ROBO1: variants seen among roughly 807,000 people sequenced by gnomAD.
ROBO1 encodes roundabout guidance receptor 1.
A neutral mutation model predicts 195.9 loss-of-function variants in ROBO1; 149 were observed. The observed-to-expected ratio is 0.76, with a 90% CI of 0.67 to 0.87. The LOEUF (loss-of-function observed/expected upper bound fraction) is 0.87. Among genes scored for constraint, ROBO1 ranks in the 40% least tolerant of loss-of-function variants. The pLI is 0.00. For missense variants in ROBO1, 1,933 were observed against 2,068.3 expected (o/e 0.93, Z 1.27); for synonymous variants, 816 against 733.2 (o/e 1.11, Z -1.82).
intron 2 of ROBO1, among the ~76,000 whole-genome samples, chr3:79,583,046 C>A (rs1314087003): frequency 6.6e-6 from 1 of 151,974 alleles, no homozygotes; most frequent in Non-Finnish European, 1.5e-5. Flanking sequence ...GGTTCTAGTG[C>A]ACATTTGGCA....
At chr3:78,897,220 T>A (rs1189350705) in intron 4 of ROBO1, among the ~76,000 whole-genome samples, 3 of 152,178 alleles carry the variant, frequency 2.0e-5, no homozygotes, top group African/African-American at 7.2e-5. Flanking sequence ...CTTTTCAGAA[T>A]TTCAAAGCTC....
At chr3:79,021,651 ATTTTTTTTT>A (rs71127372) in intron 3 of ROBO1, among the ~76,000 whole-genome samples, 1 of 76,888 alleles carries the variant, frequency 1.3e-5, no homozygotes, top group South Asian at 5.2e-4. Context: ...CCTAGAGATG[ATTTTTTTTT>A]TTTTTTTTTT....
intron 1 of ROBO1, among the ~76,000 whole-genome samples, chr3:79,624,430 G>A (rs959520341): frequency 2.7e-4 from 41 of 151,792 alleles, no homozygotes; most frequent in African/African-American, 9.4e-4. Context: ...AAGACCCATC[G>A]GTATGCTGTA....
chr3:78,872,333 G>A (rs2107158033), intron 4 of ROBO1, among the ~76,000 whole-genome samples: 1 of 152,292 alleles, frequency 6.6e-6, no homozygotes, highest in South Asian at 2.1e-4. Context: ...GCTTTGATAG[G>A]GAAGTGACTC....
chr3:79,676,603 A>G (rs73124772), intron 1 of ROBO1, among the ~76,000 whole-genome samples: 466 of 151,994 alleles, frequency 3.1e-3, no homozygotes, highest in Non-Finnish European at 5.4e-3. Flanking sequence ...AACTGCAGTC[A>G]CCTCCCTGTG....
At chr3:79,549,155 A>G (rs114732710) in intron 2 of ROBO1, among the ~76,000 whole-genome samples, 1 of 152,326 alleles carries the variant, frequency 6.6e-6, no homozygotes, top group Non-Finnish European at 1.5e-5. Flanking sequence ...AATTTTTAGC[A>G]GATTAATTTT....
intron 1 of ROBO1, among the ~76,000 whole-genome samples, chr3:79,680,262 T>G (rs1225875649): frequency 6.6e-6 from 1 of 152,040 alleles, no homozygotes; most frequent in East Asian, 1.9e-4. Flanking sequence ...CCAACTCTAA[T>G]GGAGCACGCA....
chr3:79,018,814 C>T (rs1315615682), intron 3 of ROBO1: 7 of 1,044,524 alleles, frequency 6.7e-6, no homozygotes, highest in Non-Finnish European at 8.1e-6. Flanking sequence ...GGCGTGCGCC[C>T]CCACAATGTG....
intron 3 of ROBO1, among the ~76,000 whole-genome samples, chr3:79,021,726 T>C (rs868468224): frequency 6.8e-6 from 1 of 147,906 alleles, no homozygotes; most frequent in Middle Eastern, 3.5e-3. Flanking sequence ...AGTGGCGCGA[T>C]CTCGGCTCAC....
At chr3:79,760,404 A>C (rs1461511225) in intron 1 of ROBO1, among the ~76,000 whole-genome samples, 3 of 150,728 alleles carry the variant, frequency 2.0e-5, no homozygotes, top group Non-Finnish European at 4.4e-5. Flanking sequence ...AGCACAGTGT[A>C]TATCATATTT....
intron 17 of ROBO1, 38 bp downstream of exon 17, chr3:78,659,648 C>T (rs1032461855): frequency 2.4e-5 from 32 of 1,333,496 alleles, no homozygotes; most frequent in Admixed American, 3.1e-5. Flanking sequence ...GGGGGCTGCC[C>T]ATCAGGACAT....
intron 2 of ROBO1, among the ~76,000 whole-genome samples, chr3:79,497,051 T>C (rs755846056): frequency 3.9e-5 from 6 of 152,128 alleles, no homozygotes; most frequent in Non-Finnish European, 7.4e-5. Flanking sequence ...TTTTTTAAAG[T>C]GTAAATATTA....
At chr3:79,459,407 A>T (rs921232897) in intron 2 of ROBO1, among the ~76,000 whole-genome samples, 1 of 152,248 alleles carries the variant, frequency 6.6e-6, no homozygotes. Context: ...TTTGCATGTA[A>T]TTTACCACAG....
In ROBO1 at chr3:78,600,654, A is replaced by G. The variant is rs139762056; in HGVS notation, c.4745-345T>C. ...GTCATTCACTATATGATCTCAGATT[A>G]TTTTAGGCTTTAGTTTCTACTTTTC... On this transcript the variant is annotated intron_variant, in intron 29 of 30. Transcript: ENST00000464233. Among the ~76,000 whole-genome samples the G allele has an allele frequency of 1.6e-4, 24 of 152,256 alleles. No homozygotes were observed. The East Asian group carries it at 1.9e-3, about 12-fold the overall frequency.
intron 4 of ROBO1, among the ~76,000 whole-genome samples, chr3:78,913,834 T>C (rs534104670): frequency 6.6e-6 from 1 of 152,342 alleles, no homozygotes; most frequent in East Asian, 1.9e-4. Context: ...GCTATTATAA[T>C]GGTTAAAGAC....
chr3:79,471,852 G>A (rs143603862), intron 2 of ROBO1, among the ~76,000 whole-genome samples: 2,109 of 151,256 alleles, frequency 0.014, 32 homozygotes, highest in African/African-American at 0.039. Context: ...ACCAAACACC[G>A]CATGTTCTCC....
chr3:79,763,165 G>T (rs1354288632), intron 1 of ROBO1, among the ~76,000 whole-genome samples: 3 of 152,108 alleles, frequency 2.0e-5, no homozygotes, highest in African/African-American at 7.2e-5. Context: ...CAGGAGCAAT[G>T]CATGGACAAG....
chr3:79,390,349 A>G (rs764069266), intron 2 of ROBO1, among the ~76,000 whole-genome samples: 4 of 152,164 alleles, frequency 2.6e-5, no homozygotes, highest in Non-Finnish European at 5.9e-5. Flanking sequence ...TGGGAGTTAG[A>G]GATATATCAA....
chr3:79,722,995 G>C (rs1702768540), intron 1 of ROBO1, among the ~76,000 whole-genome samples: 1 of 152,128 alleles, frequency 6.6e-6, no homozygotes, highest in South Asian at 2.1e-4. Context: ...AAAAGATAGT[G>C]ATTTGTTGAC....
Sources: allele counts gnomAD v4.1 joint callset (sites outside exome capture counted in the v4.1 genomes callset), GRCh38; gene constraint gnomAD v4.1.1; transcripts MANE v1.5; gene names NCBI Gene and HGNC (gene_info 2026-07-23, HGNC 2026-07-21).